SLC6A16: variants seen among roughly 807,000 people sequenced by gnomAD.
The protein encoded by SLC6A16 is solute carrier family 6 member 16.
Under a neutral mutation model 65.4 loss-of-function variants are expected in SLC6A16, and 54 were observed. That is an observed-to-expected ratio of 0.83 (90% CI 0.66 to 1.04). The LOEUF is 1.04. Among genes scored for constraint, SLC6A16 ranks in the 50% least tolerant of loss-of-function variants. The pLI, the probability that SLC6A16 is intolerant of heterozygous loss-of-function variation, is 0.00. For missense variants in SLC6A16, 816 were observed against 914.0 expected (o/e 0.89, Z 1.38); for synonymous variants, 330 against 346.5 (o/e 0.95, Z 0.53).
chr19:49,306,297 CAA>C (rs536974639), intron 7 of SLC6A16, among the ~76,000 whole-genome samples: 1 of 125,336 alleles, frequency 8.0e-6, no homozygotes, highest in South Asian at 2.5e-4. Context: ...GAGTCTGTCT[CAA>C]AAAAAAAAAG....
Sources: gnomAD v4.1 joint callset for allele counts (sites outside exome capture counted in the v4.1 genomes callset) on GRCh38, gnomAD v4.1.1 for gene constraint, MANE v1.5 for transcripts, NCBI Gene and HGNC (gene_info 2026-07-23, HGNC 2026-07-21) for gene names.